HIPK2: variants seen among roughly 807,000 people sequenced by gnomAD.
The protein encoded by HIPK2 is homeodomain-interacting protein kinase 2.
HIPK2 carries 27 observed loss-of-function variants against 113.7 expected under a neutral mutation model. The ratio of observed to expected loss-of-function variants is 0.24; its 90% confidence interval spans 0.17 to 0.33. The LOEUF (loss-of-function observed/expected upper bound fraction) is 0.33. HIPK2 is among the 10% of genes least tolerant of loss of function. The probability of loss-of-function intolerance (pLI) is 1.00; values close to 1 mark genes in which losing one functional copy is unlikely to be tolerated. For synonymous variants in HIPK2, 631 were observed against 642.2 expected (o/e 0.98, Z 0.26); for missense variants, 1,257 against 1,588.0 (o/e 0.79, Z 3.54).
rs756380561 is a variant in HIPK2, at chr7:139,596,937, G to A, written c.2497C>T (p.Arg833Cys). ...QAISSPQRSK[R>C]VKENTPPRCA... ...CGGGGAGGTGTGTTCTCCTTGACACGCTTGGATCGCTGTGGGGAGCTGATG... is the reference window on the plus strand; with the variant it reads ...CGGGGAGGTGTGTTCTCCTTGACACACTTGGATCGCTGTGGGGAGCTGATG... The change falls in exon 12 of 15, where the codon CGT becomes TGT. Residue 833 changes from arginine to cysteine, a missense_variant. Arg to Cys is a radical substitution (Grantham distance 180, BLOSUM62 -3). Coordinates refer to ENST00000406875, the MANE Select transcript of HIPK2 (RefSeq NM_022740.5). The A allele has an allele frequency of 1.8e-5, 29 of 1,611,406 alleles. No individual in the cohort carries two copies. Among genetic ancestry groups the A allele is most frequent in the Admixed American group, 5.0e-5 (3 of 59,964 alleles).
intron 7 of HIPK2, among the ~76,000 whole-genome samples, chr7:139,619,154 C>T (rs567277804): frequency 6.6e-6 from 1 of 152,172 alleles, no homozygotes; most frequent in African/African-American, 2.4e-5. Context: ...GGCCAATGTG[C>T]CACAAGGATG....
intron 1 of HIPK2, among the ~76,000 whole-genome samples, chr7:139,723,751 A>T (rs572832146): frequency 2.0e-5 from 3 of 152,338 alleles, no homozygotes; most frequent in African/African-American, 7.2e-5. Context: ...AATTTCACTG[A>T]ATTCTAGCAA....
chr7:139,708,661 CCT>C (rs1569478407), intron 2 of HIPK2, among the ~76,000 whole-genome samples: 1 of 152,224 alleles, frequency 6.6e-6, no homozygotes. Context: ...GCACCTGGGC[CCT>C]CTGTCTCTGG....
At chr7:139,585,218 A>G (rs1585239261) in intron 12 of HIPK2, among the ~76,000 whole-genome samples, 1 of 152,298 alleles carries the variant, frequency 6.6e-6, no homozygotes, top group Non-Finnish European at 1.5e-5. Flanking sequence ...CCTCCCGGGT[A>G]TCTTGTTTGA....
At chr7:139,751,590 AGATG>A (rs36202472) in intron 1 of HIPK2, among the ~76,000 whole-genome samples, 5,098 of 145,996 alleles carry the variant, frequency 0.035, 143 homozygotes, top group African/African-American at 0.08. Flanking sequence ...TTGGATGGAT[AGATG>A]GATGGATGGA....
chr7:139,732,797 A>G (rs1795832108), intron 1 of HIPK2, among the ~76,000 whole-genome samples: 1 of 141,060 alleles, frequency 7.1e-6, no homozygotes, highest in Non-Finnish European at 1.5e-5. Context: ...AACATATAAT[A>G]TATATAACAT....
chr7:139,649,940 T>C (rs886404570), intron 2 of HIPK2, among the ~76,000 whole-genome samples: 8 of 152,068 alleles, frequency 5.3e-5, no homozygotes, highest in African/African-American at 1.9e-4. Flanking sequence ...GTTCTTCTGT[T>C]TGGTACACCT....
At chr7:139,760,169 A>C (rs1437525167) in intron 1 of HIPK2, among the ~76,000 whole-genome samples, 1 of 151,900 alleles carries the variant, frequency 6.6e-6, no homozygotes, top group Non-Finnish European at 1.5e-5. Context: ...CGCCCAGCTA[A>C]TTTTTTTGTA....
chr7:139,607,937 A>G (rs1458812975), intron 9 of HIPK2, among the ~76,000 whole-genome samples: 2 of 152,186 alleles, frequency 1.3e-5, no homozygotes, highest in African/African-American at 2.4e-5. Context: ...TAAACAGTTA[A>G]GTTAAAAATT....
chr7:139,702,666 G>A (rs1794745376), intron 2 of HIPK2, among the ~76,000 whole-genome samples: 1 of 152,214 alleles, frequency 6.6e-6, no homozygotes, highest in African/African-American at 2.4e-5. Context: ...GATGTCTCAT[G>A]CATGGGCATG....
intron 2 of HIPK2, among the ~76,000 whole-genome samples, chr7:139,709,821 C>T (rs147912451): frequency 6.6e-6 from 1 of 152,330 alleles, no homozygotes; most frequent in African/African-American, 2.4e-5. Context: ...CTCTGAAAGA[C>T]TGGAGCTTCA....
At chr7:139,574,692 C>T (rs1286956680) in intron 14 of HIPK2, among the ~76,000 whole-genome samples, 1 of 152,228 alleles carries the variant, frequency 6.6e-6, no homozygotes, top group Non-Finnish European at 1.5e-5. Context: ...CCTCCAGGTC[C>T]TGGGACAAAT....
chr7:139,631,436 G>A lies in HIPK2; in HGVS notation c.1228-152C>T. Reference sequence around the variant, plus strand: ...AGAGAAAAAAGAAAAAGGGAAAAGAGAAAGGAATAAAGAAAAAATAGCAAG... The same window carrying A: ...AGAGAAAAAAGAAAAAGGGAAAAGAAAAAGGAATAAAGAAAAAATAGCAAG... On this transcript the variant is annotated intron_variant, in intron 3 of 14. Coordinates refer to ENST00000406875, the MANE Select transcript of HIPK2 (RefSeq NM_022740.5). This position sits in a 1 kb window ranked among gnomAD's most constrained non-coding sequence, Gnocchi z 4.9. The A allele has an allele frequency of 4.2e-6, 4 of 942,024 alleles. No homozygotes were observed. The highest frequency in any genetic ancestry group is 5.1e-6 in the Non-Finnish European group (4 of 790,594). The allele number at this position is 942,024 out of a possible 1,614,324, so 58.4% of individuals were successfully genotyped here.
Position 139,563,690 on chromosome 7 carries a change from G to C in HIPK2, c.*9237C>G. ...GTGGGAGTATGATTAGGAGGGGTGA[G>C]ATGAAAACTATTTTACAGTAACATT... On this transcript the variant is annotated 3_prime_UTR_variant, in exon 15 of 15. Coordinates refer to ENST00000406875, the MANE Select transcript of HIPK2 (RefSeq NM_022740.5). 1 of 397,274 alleles carries C rather than the reference G, an allele frequency of 2.5e-6. No individual in the cohort carries two copies. The highest frequency in any genetic ancestry group is 3.6e-5 in the East Asian group (1 of 28,044). 24.6% of individuals were successfully genotyped at this position (397,274 alleles called of 1,614,324 possible). A position where few individuals can be genotyped will look rare whatever the true frequency, so the allele number is the denominator to read the frequency against.
At chr7:139,601,869 AGTAGATGAAC>A (rs1026893295) in intron 10 of HIPK2, among the ~76,000 whole-genome samples, 14 of 152,304 alleles carry the variant, frequency 9.2e-5, no homozygotes, top group African/African-American at 3.4e-4. Context: ...GGAAAAAAGA[AGTAGATGAAC>A]ACTTTTGTAG....
intron 2 of HIPK2, among the ~76,000 whole-genome samples, chr7:139,705,299 G>A (rs1205619066): frequency 6.6e-6 from 1 of 152,154 alleles, no homozygotes; most frequent in Non-Finnish European, 1.5e-5. Flanking sequence ...CGAGTTACAC[G>A]CATGCGGCTA....
Position 139,562,601 on chromosome 7 carries a change from C to A in HIPK2, c.*10326G>T, listed in dbSNP as rs1797978635. 6.6e-6 allele frequency: 1 copy of A among 152,266 alleles called. No individual in the cohort carries two copies. Among genetic ancestry groups the A allele is most frequent in the Non-Finnish European group, 1.5e-5 (1 of 68,090 alleles). 9.4% of individuals were successfully genotyped at this position (152,266 alleles called of 1,614,324 possible). A position where few individuals can be genotyped will look rare whatever the true frequency, so the allele number is the denominator to read the frequency against. ...ACTTCCAGTCACTCTGATTTGTTGC[C>A]CCCGTCACCCACTGATGCGCTTGAA... On this transcript the variant is annotated 3_prime_UTR_variant, in exon 15 of 15. Transcript: ENST00000406875.
intron 2 of HIPK2, among the ~76,000 whole-genome samples, chr7:139,671,405 A>C (rs1392893736): frequency 6.6e-6 from 1 of 152,224 alleles, no homozygotes; most frequent in Non-Finnish European, 1.5e-5. Flanking sequence ...CATTTTTTCT[A>C]ACATTGTAAT....
At chr7:139,650,900 G>C (rs1426796142) in intron 2 of HIPK2, among the ~76,000 whole-genome samples, 1 of 152,240 alleles carries the variant, frequency 6.6e-6, no homozygotes, top group Non-Finnish European at 1.5e-5. Flanking sequence ...TGCAGCCTGG[G>C]CTAAGAGCTC....
Sources: allele counts gnomAD v4.1 joint callset (sites outside exome capture counted in the v4.1 genomes callset), GRCh38; gene constraint gnomAD v4.1.1; non-coding constraint Gnocchi (gnomAD v3.1); transcripts MANE v1.5; gene names NCBI Gene and HGNC (gene_info 2026-07-23, HGNC 2026-07-21).